Variants in LRP1B observed in about 807,000 individuals in gnomAD.
LRP1B encodes low-density lipoprotein receptor-related protein 1B.
A neutral mutation model predicts 556.6 loss-of-function variants in LRP1B; 217 were observed. The ratio of observed to expected loss-of-function variants is 0.39; its 90% CI spans 0.35 to 0.44. LRP1B has a LOEUF of 0.44. Ranked by LOEUF, LRP1B falls within the 20% of genes least tolerant of loss-of-function variation. LRP1B has a pLI of 1.00. For synonymous variants in LRP1B, 2,047 were observed against 1,865.8 expected (o/e 1.10, Z -2.50); for missense variants, 5,053 against 5,620.8 (o/e 0.90, Z 3.23).
intron 86 of LRP1B, among the ~76,000 whole-genome samples, chr2:140,262,889 G>A (rs970729773): frequency 6.6e-6 from 1 of 152,166 alleles, no homozygotes; most frequent in African/African-American, 2.4e-5. Context: ...TAAACAAAAA[G>A]GGGCTATGGA....
Position 140,771,516 on chromosome 2 carries a change from T to C in LRP1B, c.5501-510A>G, listed in dbSNP as rs141919157. ...AAAGCAGGGAAATAAATTTTCTCAT[T>C]CATAGAAATATAATTCTCCCGAAAT... On this transcript the variant is annotated intron_variant, in intron 33 of 90. Coordinates refer to ENST00000389484, the MANE Select transcript of LRP1B (RefSeq NM_018557.3). 5.4e-3 allele frequency among the ~76,000 whole-genome samples: 822 copies of C among 152,250 alleles called. 9 individuals are homozygous for C. The highest frequency in any genetic ancestry group is 0.019 in the African/African-American group (781 of 41,546).
intron 6 of LRP1B, among the ~76,000 whole-genome samples, chr2:141,209,378 C>T (rs1682445238): frequency 6.6e-6 from 1 of 152,108 alleles, no homozygotes; most frequent in South Asian, 2.1e-4. Context: ...GATGTGTTTG[C>T]TTCCCCTTCT....
chr2:141,304,131 G>T (rs1363891284), intron 3 of LRP1B, among the ~76,000 whole-genome samples: 1 of 151,986 alleles, frequency 6.6e-6, no homozygotes, highest in Non-Finnish European at 1.5e-5. Flanking sequence ...TCACTCTTGA[G>T]TTGTTTGAGT....
intron 84 of LRP1B, among the ~76,000 whole-genome samples, chr2:140,285,368 CAT>C (rs1006323474): frequency 2.0e-5 from 3 of 150,064 alleles, no homozygotes; most frequent in Admixed American, 6.7e-5. Context: ...TATACACATA[CAT>C]ATATATACAC....
At chr2:141,108,334 C>CTTTTTTTTTTTTTTTTT (rs60275697) in intron 7 of LRP1B, among the ~76,000 whole-genome samples, 5 of 88,514 alleles carry the variant, frequency 5.6e-5, no homozygotes, top group African/African-American at 2.4e-4. Flanking sequence ...TAATCTGTTT[C>CTTTTTTTTTTTTTTTTT]TTTTTTTTTT....
chr2:141,044,607 A>G (rs867021277), intron 11 of LRP1B, among the ~76,000 whole-genome samples: 15 of 151,942 alleles, frequency 9.9e-5, no homozygotes, highest in Middle Eastern at 3.4e-3. Context: ...AAAAGTGGGC[A>G]AAGGACATGA....
At chr2:140,595,141 T>C (rs1468911960) in intron 43 of LRP1B, among the ~76,000 whole-genome samples, 1 of 131,038 alleles carries the variant, frequency 7.6e-6, no homozygotes, top group Non-Finnish European at 1.6e-5. Context: ...TATATATTAG[T>C]ATGGTTGCCC....
intron 7 of LRP1B, among the ~76,000 whole-genome samples, chr2:141,161,257 CAT>C (rs1384402408): frequency 6.6e-6 from 1 of 152,068 alleles, no homozygotes; most frequent in African/African-American, 2.4e-5. Flanking sequence ...CAGTACTGCT[CAT>C]AGTATACAGA....
Position 141,228,609 on chromosome 2 carries a change from GTA to G in LRP1B, c.850+572_850+573del, listed in dbSNP as rs1491354432. Among the ~76,000 whole-genome samples, 6 of 150,248 alleles carry G rather than the reference GTA, an allele frequency of 4.0e-5. No individual in the cohort carries two copies. In the South Asian group the frequency reaches 8.5e-4, roughly 21 times the overall value. ...TGTGTGTGTGTGTGTGTGTGTGTGT[GTA>G]TGTGTGACAATGAGATTTCAGTTTA... On this transcript the variant is annotated intron_variant, in intron 6 of 90. Coordinates refer to ENST00000389484, the MANE Select transcript of LRP1B (RefSeq NM_018557.3).
intron 2 of LRP1B, among the ~76,000 whole-genome samples, chr2:141,695,016 A>T (rs190162898): frequency 0.012 from 1,786 of 152,164 alleles, 20 homozygotes; most frequent in South Asian, 0.023. Flanking sequence ...ATAATACTTT[A>T]AAAATGATGC....
At chr2:140,443,724 C>T (rs988012860) in intron 65 of LRP1B, among the ~76,000 whole-genome samples, 1 of 152,028 alleles carries the variant, frequency 6.6e-6, no homozygotes, top group East Asian at 1.9e-4. Flanking sequence ...GTTTTGCCTT[C>T]CATTTAACGT....
intron 2 of LRP1B, among the ~76,000 whole-genome samples, chr2:141,683,421 T>C (rs2105433500): frequency 6.6e-6 from 1 of 152,222 alleles, no homozygotes; most frequent in East Asian, 1.9e-4. Context: ...ATTTTAAATA[T>C]GCTGCTGCTG....
rs187288976 is a variant in LRP1B, at chr2:141,974,228, G to A, written c.82+156420C>T. ...AGTGTTAAGTTTCTTTCTTTGCTGT[G>A]ATTACAAATCATCCACCATGTCTAG... On this transcript the variant is annotated intron_variant, in intron 1 of 90. Coordinates refer to ENST00000389484, the MANE Select transcript of LRP1B (RefSeq NM_018557.3). 1.8e-4 allele frequency among the ~76,000 whole-genome samples: 28 copies of A among 152,044 alleles called. No individual in the cohort carries two copies. In the East Asian group the frequency reaches 4.3e-3, roughly 23 times the overall value.
At chr2:140,281,713 G>A (rs961557435) in intron 84 of LRP1B, among the ~76,000 whole-genome samples, 1 of 151,758 alleles carries the variant, frequency 6.6e-6, no homozygotes, top group African/African-American at 2.4e-5. Context: ...TTAAAAGTAG[G>A]ATGGAATTAC....
chr2:141,919,230 G>A (rs1700116300), intron 1 of LRP1B, among the ~76,000 whole-genome samples: 1 of 151,886 alleles, frequency 6.6e-6, no homozygotes, highest in Admixed American at 6.6e-5. Flanking sequence ...AATAGAGATG[G>A]CTTACAAGCA....
chr2:140,234,199 C>A lies in LRP1B; in HGVS notation c.13659+587G>T, dbSNP rs1462416038. 2.0e-5 allele frequency among the ~76,000 whole-genome samples: 3 copies of A among 151,124 alleles called. No homozygotes were observed. In the East Asian group the frequency reaches 5.9e-4, roughly 30 times the overall value. ...GGATGAAAACAGTTGATGGGAAAGA[C>A]GATAAGGGAGAGAATTCTCATCCCT... On this transcript the variant is annotated intron_variant, in intron 90 of 90. Coordinates refer to ENST00000389484, the MANE Select transcript of LRP1B (RefSeq NM_018557.3).
intron 1 of LRP1B, among the ~76,000 whole-genome samples, chr2:141,828,605 G>A (rs1697011737): frequency 6.6e-6 from 1 of 152,028 alleles, no homozygotes; most frequent in Admixed American, 6.6e-5. Context: ...CTTTTCTGTC[G>A]TTTAAGTGGG....
intron 35 of LRP1B, among the ~76,000 whole-genome samples, chr2:140,729,938 G>A (rs1398481018): frequency 6.6e-6 from 1 of 152,082 alleles, no homozygotes; most frequent in Admixed American, 6.6e-5. Flanking sequence ...TATCAGAGCT[G>A]CCCTCAATCT....
chr2:141,343,763 T>C (rs945446003), intron 3 of LRP1B, among the ~76,000 whole-genome samples: 1 of 152,224 alleles, frequency 6.6e-6, no homozygotes, highest in African/African-American at 2.4e-5. Context: ...GGTTGCTTTT[T>C]ACCTAGCCTT....
Sources: gnomAD v4.1 joint callset for allele counts (sites outside exome capture counted in the v4.1 genomes callset) on GRCh38, gnomAD v4.1.1 for gene constraint, MANE v1.5 for transcripts, NCBI Gene and HGNC (gene_info 2026-07-23, HGNC 2026-07-21) for gene names.